Variants in MCTP1 observed in about 807,000 individuals in gnomAD.
The protein encoded by MCTP1 is multiple C2 and transmembrane domain containing 1.
A neutral mutation model predicts 120.6 loss-of-function variants in MCTP1; 69 were observed. The observed-to-expected ratio is 0.57, with a 90% CI of 0.47 to 0.70. The LOEUF is 0.70. Among genes scored for constraint, MCTP1 ranks in the 30% least tolerant of loss-of-function variants. The pLI is 0.00. For synonymous variants in MCTP1, 529 were observed against 493.1 expected (o/e 1.07, Z -0.96); for missense variants, 1,203 against 1,248.8 (o/e 0.96, Z 0.55).
chr5:95,121,745 T>C (rs184403956), intron 1 of MCTP1, among the ~76,000 whole-genome samples: 2 of 152,086 alleles, frequency 1.3e-5, no homozygotes, highest in East Asian at 3.9e-4. Context: ...CCTGACTTTA[T>C]GTTACAGAAC....
intron 1 of MCTP1, among the ~76,000 whole-genome samples, chr5:95,252,042 T>C (rs1254964692): frequency 7.9e-5 from 12 of 152,210 alleles, no homozygotes; most frequent in Non-Finnish European, 1.0e-4. Flanking sequence ...GCTAAGAGAT[T>C]ACAAAGACAG....
chr5:94,873,815 GA>G (rs1194959808), intron 12 of MCTP1, among the ~76,000 whole-genome samples: 1 of 149,226 alleles, frequency 6.7e-6, no homozygotes, highest in Non-Finnish European at 1.5e-5. Context: ...CTCTGAGGCA[GA>G]AAAAAAATCT....
chr5:95,040,693 C>T (rs1184245669), intron 1 of MCTP1, among the ~76,000 whole-genome samples: 1 of 152,132 alleles, frequency 6.6e-6, no homozygotes, highest in Non-Finnish European at 1.5e-5. Flanking sequence ...GACTTGCCCC[C>T]TAGCTCGAGG....
At chr5:95,107,517 CTT>C (rs1757164916) in intron 1 of MCTP1, among the ~76,000 whole-genome samples, 1 of 152,150 alleles carries the variant, frequency 6.6e-6, no homozygotes, top group South Asian at 2.1e-4. Context: ...TAGCATATAA[CTT>C]TTATGGAAAT....
At chr5:94,810,545 G>A (rs1279975302) in intron 17 of MCTP1, among the ~76,000 whole-genome samples, 2 of 152,162 alleles carry the variant, frequency 1.3e-5, no homozygotes, top group East Asian at 3.8e-4. Flanking sequence ...ACACATGTTA[G>A]TAAAGTCTGT....
chr5:95,207,119 G>A (rs1260219866), intron 1 of MCTP1, among the ~76,000 whole-genome samples: 1 of 152,092 alleles, frequency 6.6e-6, no homozygotes, highest in Non-Finnish European at 1.5e-5. Context: ...AACATGACCA[G>A]AATTAAATCA....
intron 1 of MCTP1, among the ~76,000 whole-genome samples, chr5:95,121,922 T>A (rs1758269877): frequency 7.6e-6 from 1 of 130,900 alleles, no homozygotes; most frequent in Non-Finnish European, 1.6e-5. Flanking sequence ...GGGGTCAAAC[T>A]GGATATCCAT....
chr5:95,004,311 G>T (rs1480258624), intron 2 of MCTP1, among the ~76,000 whole-genome samples: 2 of 152,144 alleles, frequency 1.3e-5, no homozygotes, highest in African/African-American at 4.8e-5. Flanking sequence ...AGGGAAGCAG[G>T]GCATACAAGT....
intron 7 of MCTP1, among the ~76,000 whole-genome samples, chr5:94,921,621 A>G (rs536943261): frequency 1.3e-5 from 2 of 152,312 alleles, no homozygotes; most frequent in South Asian, 2.1e-4. Flanking sequence ...CAGAATAACA[A>G]TATTGCTTGG....
At chr5:94,847,177 A>G (rs1393409141) in intron 17 of MCTP1, among the ~76,000 whole-genome samples, 2 of 152,162 alleles carry the variant, frequency 1.3e-5, no homozygotes, top group South Asian at 2.1e-4. Flanking sequence ...GCCTTGTAAC[A>G]GGATCCCCAG....
At chr5:94,972,736 G>C (rs979176616) in intron 2 of MCTP1, among the ~76,000 whole-genome samples, 4 of 152,112 alleles carry the variant, frequency 2.6e-5, no homozygotes, top group African/African-American at 9.7e-5. Flanking sequence ...TTTTCAAATA[G>C]ATTTTCCTTC....
intron 19 of MCTP1, among the ~76,000 whole-genome samples, chr5:94,777,121 C>A (rs1331681663): frequency 6.6e-6 from 1 of 152,174 alleles, no homozygotes; most frequent in Non-Finnish European, 1.5e-5. Context: ...AGCTCACAGT[C>A]CTTTCACATG....
chr5:94,846,618 A>T (rs2153220395), intron 17 of MCTP1, among the ~76,000 whole-genome samples: 1 of 152,332 alleles, frequency 6.6e-6, no homozygotes, highest in East Asian at 1.9e-4. Context: ...CAGTTTACCT[A>T]TAATAACAAA....
rs1838049509 is a variant in MCTP1, at chr5:95,020,767, T to C, written c.721-3283A>G. Among the ~76,000 whole-genome samples, 3 of 152,140 alleles carry C rather than the reference T, an allele frequency of 2.0e-5. No homozygotes were observed. The South Asian group carries it at 6.2e-4, about 31-fold the overall frequency. ...CTAATCATGTGAAATATATTTTAAGTGTACTGCGTGAAATAGGAACCTATG... is the reference window on the plus strand; with the variant it reads ...CTAATCATGTGAAATATATTTTAAGCGTACTGCGTGAAATAGGAACCTATG... On this transcript the variant is annotated intron_variant, in intron 1 of 22. Coordinates refer to ENST00000515393, the MANE Select transcript of MCTP1 (RefSeq NM_024717.7).
At chr5:95,223,361 A>ACCT (rs1405373833) in intron 1 of MCTP1, among the ~76,000 whole-genome samples, 1 of 152,094 alleles carries the variant, frequency 6.6e-6, no homozygotes, top group African/African-American at 2.4e-5. Context: ...CTGAGTAGGG[A>ACCT]GAATCACCTG....
At chr5:94,759,947 C>T (rs1313916555) in intron 19 of MCTP1, among the ~76,000 whole-genome samples, 2 of 119,128 alleles carry the variant, frequency 1.7e-5, no homozygotes, top group South Asian at 2.8e-4. Context: ...AGCTGGAATA[C>T]TTAGCAACCA....
At chr5:95,166,870 T>C (rs1208735685) in intron 1 of MCTP1, among the ~76,000 whole-genome samples, 1 of 151,968 alleles carries the variant, frequency 6.6e-6, no homozygotes, top group Admixed American at 6.6e-5. Context: ...CACAGCCATT[T>C]TAATCATTTC....
intron 2 of MCTP1, among the ~76,000 whole-genome samples, chr5:94,956,002 C>T (rs948454133): frequency 6.6e-6 from 1 of 152,220 alleles, no homozygotes; most frequent in Non-Finnish European, 1.5e-5. Flanking sequence ...TCGACAGACA[C>T]CTCACACAGG....
chr5:95,166,568 A>ATTTTTTT (rs34176318), intron 1 of MCTP1, among the ~76,000 whole-genome samples: 1 of 125,126 alleles, frequency 8.0e-6, no homozygotes, highest in African/African-American at 3.0e-5. Context: ...AATTTTAATC[A>ATTTTTTT]TTTTTTTTTT....
Sources: allele counts gnomAD v4.1 joint callset (sites outside exome capture counted in the v4.1 genomes callset), GRCh38; gene constraint gnomAD v4.1.1; transcripts MANE v1.5; gene names NCBI Gene and HGNC (gene_info 2026-07-23, HGNC 2026-07-21).